The following ZBTB44 variants were observed in gnomAD, a reference collection of about 807,000 sequenced individuals.
ZBTB44 encodes the protein zinc finger and BTB domain-containing protein 44.
A neutral mutation model predicts 54.0 loss-of-function variants in ZBTB44; 15 were observed. The ratio of observed to expected loss-of-function variants is 0.28; its 90% CI spans 0.19 to 0.43. The LOEUF is 0.43. Among genes scored for constraint, ZBTB44 ranks in the 20% least tolerant of loss-of-function variants. The pLI is 1.00. For missense variants in ZBTB44, 487 were observed against 707.1 expected, an observed-to-expected ratio of 0.69 and a Z score of 3.53; for synonymous variants, 230 against 250.1, an observed-to-expected ratio of 0.92 and a Z score of 0.76.
intron 1 of ZBTB44, among the ~76,000 whole-genome samples, chr11:130,305,885 CA>C (rs1942238590): frequency 6.6e-6 from 1 of 151,858 alleles, no homozygotes; most frequent in South Asian, 2.1e-4. Context: ...ACAAGGAATA[CA>C]AACAAACCAG....
chr11:130,242,128 G>C (rs897438009), intron 2 of ZBTB44, among the ~76,000 whole-genome samples: 3 of 152,016 alleles, frequency 2.0e-5, no homozygotes. Flanking sequence ...GAATACAAGT[G>C]GAAATAAATA....
intron 1 of ZBTB44, among the ~76,000 whole-genome samples, chr11:130,308,239 C>G (rs1275235716): frequency 6.6e-6 from 1 of 152,202 alleles, no homozygotes; most frequent in African/African-American, 2.4e-5. Flanking sequence ...GATGTTCATA[C>G]AATGACACAA....
intron 1 of ZBTB44, among the ~76,000 whole-genome samples, chr11:130,302,078 T>C (rs908385055): frequency 2.0e-5 from 3 of 151,520 alleles, no homozygotes; most frequent in Non-Finnish European, 2.9e-5. Context: ...GTAATAATAA[T>C]CATTAGTTTA....
Position 130,261,806 on chromosome 11 carries a change from A to G in ZBTB44, c.68T>C (p.Met23Thr), listed in dbSNP as rs374307937. Reference sequence around the variant, plus strand: ...ACAAAAATGTCCATCATTTCGCAGCATATTTAGCTTTCCAAGCATTTCCTG... The same window carrying G: ...ACAAAAATGTCCATCATTTCGCAGCGTATTTAGCTTTCCAAGCATTTCCTG... ...HSQEMLGKLN[M>T]LRNDGHFCDI... Residue 23 changes from methionine to threonine, a missense_variant, in exon 2 of 8, where the codon ATG becomes ACG. By Grantham distance (81) the Met-to-Thr change is moderately conservative (BLOSUM62 -1). Coordinates refer to ENST00000357899, the MANE Select transcript of ZBTB44 (RefSeq NM_001301098.2). This position sits in a 1 kb window ranked among gnomAD's most constrained non-coding sequence, Gnocchi z 4.8. 1.9e-5 allele frequency: 31 copies of G among 1,613,920 alleles called. No homozygotes were observed. The highest frequency in any genetic ancestry group is 2.5e-5 in the Non-Finnish European group (30 of 1,179,884).
At chr11:130,259,984 A>G (rs1938739379) in intron 2 of ZBTB44, among the ~76,000 whole-genome samples, 1 of 152,158 alleles carries the variant, frequency 6.6e-6, no homozygotes, top group Non-Finnish European at 1.5e-5. Context: ...GAAAACAACT[A>G]TAAATCATTT....
Position 130,259,067 on chromosome 11 carries a change from TAA to T in ZBTB44, c.1018+1787_1018+1788del, listed in dbSNP as rs574043958. The stretch of plus-strand genomic sequence containing the variant: ...AACTACAAACCACTGCTCAAGAAAA[TAA>T]GAGAGGACACAAATAAATGGGAAGA... On this transcript the variant is annotated intron_variant, in intron 2 of 7. Coordinates refer to ENST00000357899, the MANE Select transcript of ZBTB44 (RefSeq NM_001301098.2). Among the ~76,000 whole-genome samples the T allele has an allele frequency of 3.8e-4, 58 of 152,112 alleles. No individual in the cohort carries two copies. In the South Asian group the frequency reaches 5.8e-3, roughly 15 times the overall value.
chr11:130,305,974 A>C (rs1942244190), intron 1 of ZBTB44, among the ~76,000 whole-genome samples: 1 of 152,366 alleles, frequency 6.6e-6, no homozygotes, highest in African/African-American at 2.4e-5. Context: ...TTCTCAAATG[A>C]TATAAAAACA....
chr11:130,251,473 C>T (rs966232150), intron 2 of ZBTB44, among the ~76,000 whole-genome samples: 2 of 152,162 alleles, frequency 1.3e-5, no homozygotes, highest in Non-Finnish European at 2.9e-5. Flanking sequence ...TCGAGAATAG[C>T]AACCCCAAGA....
intron 1 of ZBTB44, among the ~76,000 whole-genome samples, chr11:130,277,906 C>T (rs1015312711): frequency 8.5e-5 from 13 of 152,134 alleles, no homozygotes; most frequent in African/African-American, 2.7e-4. Context: ...TTTCTTCCCT[C>T]GTCCTTTGCA....
chr11:130,309,479 A>T (rs565472161), intron 1 of ZBTB44, among the ~76,000 whole-genome samples: 6 of 152,218 alleles, frequency 3.9e-5, no homozygotes, highest in South Asian at 2.1e-4. Flanking sequence ...TTATGAATTT[A>T]TATCAAATTT....
In ZBTB44 at chr11:130,314,444, AGGCGGCGGC is replaced by A. The variant is rs1015043324; in HGVS notation, c.-135_-127del. The A allele has an allele frequency of 1.4e-3, 219 of 151,656 alleles. 1 individual carries two copies. Among genetic ancestry groups the A allele is most frequent in the Middle Eastern group, 3.4e-3 (1 of 294 alleles). 9.4% of individuals were successfully genotyped at this position (151,656 alleles called of 1,614,324 possible). A position where few individuals can be genotyped will look rare whatever the true frequency, so the allele number is the denominator to read the frequency against. On this transcript the variant is annotated 5_prime_UTR_variant, in exon 1 of 8. Transcript: ENST00000357899. ...CTTCTCCCGCCAGGCTGGGGCGGCG[AGGCGGCGGC>A]GGCGGCGGCCCGGGGGGAGGGGGCG... is the stretch of plus-strand genomic sequence containing the variant.
chr11:130,288,553 C>T (rs1188326827), intron 1 of ZBTB44, among the ~76,000 whole-genome samples: 1 of 151,996 alleles, frequency 6.6e-6, no homozygotes, highest in Non-Finnish European at 1.5e-5. Context: ...TCGGGATCCC[C>T]AGGAGAGTCC....
intron 1 of ZBTB44, among the ~76,000 whole-genome samples, chr11:130,281,947 G>A (rs1565674386): frequency 6.6e-6 from 1 of 152,052 alleles, no homozygotes; most frequent in Admixed American, 6.6e-5. Flanking sequence ...TTTTGTAAAA[G>A]TTCTCCAATA....
At chr11:130,309,599 C>T (rs968658604) in intron 1 of ZBTB44, among the ~76,000 whole-genome samples, 11 of 152,086 alleles carry the variant, frequency 7.2e-5, no homozygotes, top group Non-Finnish European at 1.2e-4. Flanking sequence ...GTCACCTGGG[C>T]GCAGTGGCTC....
intron 1 of ZBTB44, among the ~76,000 whole-genome samples, chr11:130,273,007 T>G (rs1939786898): frequency 6.6e-6 from 1 of 152,220 alleles, no homozygotes; most frequent in South Asian, 2.1e-4. Flanking sequence ...TTGTCCTTTT[T>G]CAGTACTATT....
chr11:130,229,760 AAATAT>A lies in ZBTB44; in HGVS notation c.*1999_*2003del, dbSNP rs1221606136. 2.0e-5 allele frequency: 3 copies of A among 152,150 alleles called. No homozygotes were observed. Among genetic ancestry groups the A allele is most frequent in the East Asian group, 3.8e-4 (2 of 5,200 alleles). 9.4% of individuals were successfully genotyped at this position (152,150 alleles called of 1,614,324 possible). ...CATCTCTCAATAACTTTCAAAATCT[AAATAT>A]ATTACAAATAAAGCATCTTACGTCA... On this transcript the variant is annotated 3_prime_UTR_variant, in exon 8 of 8. Coordinates refer to ENST00000357899, the MANE Select transcript of ZBTB44 (RefSeq NM_001301098.2).
At chr11:130,245,651 G>C (rs1341409101) in intron 2 of ZBTB44, among the ~76,000 whole-genome samples, 1 of 146,292 alleles carries the variant, frequency 6.8e-6, no homozygotes, top group Non-Finnish European at 1.5e-5. Context: ...GACTGGCATC[G>C]GCTTCTCACT....
At chr11:130,295,905 G>A in intron 1 of ZBTB44, 1 of 1,502,078 alleles carries the variant, frequency 6.7e-7, no homozygotes, top group Non-Finnish European at 9.2e-7. Context: ...GGTTGATAAT[G>A]GGTGGCAGTA....
chr11:130,301,012 A>G (rs915906200), intron 1 of ZBTB44, among the ~76,000 whole-genome samples: 1 of 152,180 alleles, frequency 6.6e-6, no homozygotes, highest in African/African-American at 2.4e-5. Flanking sequence ...AAAGTAAAAT[A>G]TAAACAGAAT....
Sources: allele counts gnomAD v4.1 joint callset (sites outside exome capture counted in the v4.1 genomes callset), GRCh38; gene constraint gnomAD v4.1.1; non-coding constraint Gnocchi (gnomAD v3.1); transcripts MANE v1.5; gene names NCBI Gene and HGNC (gene_info 2026-07-23, HGNC 2026-07-21).